The following PSD4 variants were observed in gnomAD, a reference collection of about 807,000 sequenced individuals.
The protein encoded by PSD4 is PH and SEC7 domain-containing protein 4.
Under a neutral mutation model 112.5 loss-of-function variants are expected in PSD4, and 59 were observed. The ratio of observed to expected loss-of-function variants is 0.52; its 90% confidence interval spans 0.43 to 0.65. The LOEUF is 0.65. PSD4 is among the 30% of genes least tolerant of loss of function. The pLI is 0.00. For synonymous variants in PSD4, 533 were observed against 540.0 expected, an observed-to-expected ratio of 0.99 and a Z score of 0.18; for missense variants, 1,267 against 1,352.6, an observed-to-expected ratio of 0.94 and a Z score of 0.99.
In PSD4 at chr2:113,193,272, C is replaced by T. The variant is rs757030649; in HGVS notation, c.1934C>T (p.Ala645Val). 9 of 1,587,938 alleles carry T rather than the reference C, an allele frequency of 5.7e-6. No individual in the cohort carries two copies. The highest frequency in any genetic ancestry group is 6.0e-6 in the Non-Finnish European group (7 of 1,168,906). The change falls in exon 8 of 17, where the codon GCC becomes GTC. Residue 645 changes from alanine (A) to valine (V), a missense_variant. Transcript: ENST00000245796. ...CTCCTTTGCAGGAGCTTCCTCCAGG[C>T]CTTGGTGCTCAGTGGGGAGACTCAG... Reference protein sequence around the residue: ...LDRALRSFLQALVLSGETQER... With the variant: ...LDRALRSFLQVLVLSGETQER...
Position 113,195,749 on chromosome 2 carries a change from G to A in PSD4, c.2204G>A (p.Ser735Asn). ...LLKALYWSIR[S>N]EKLEWAVDEE... Reference sequence around the variant, plus strand: ...CAGGCCCTCTACTGGTCTATCCGCAGCGAGAAGCTCGAGTGGGCCGTGTGA... The same window carrying A: ...CAGGCCCTCTACTGGTCTATCCGCAACGAGAAGCTCGAGTGGGCCGTGTGA... The change falls in exon 11 of 17, where the codon AGC becomes AAC. Residue 735 changes from serine (S) to asparagine (N), a missense_variant. Around this residue, in one of 2 missense-constraint regions of PSD4, gnomAD observed 544 missense variants for 648.6 expected, o/e 0.84. Coordinates refer to ENST00000245796, the MANE Select transcript of PSD4 (RefSeq NM_012455.3). The A allele has an allele frequency of 6.2e-7, 1 of 1,614,188 alleles. No individual in the cohort carries two copies. Among genetic ancestry groups the A allele is most frequent in the Non-Finnish European group, 8.5e-7 (1 of 1,180,032 alleles).
rs1455929336 is a variant in PSD4 at position 113,205,343 on chromosome 2, A to C, written c.*3928A>C. ...ACAGCCTAGGGATTTTGTTTTAAGA[A>C]GATGAGCTGGGCGCGGTGGCTCATG... On this transcript the variant is annotated 3_prime_UTR_variant, in exon 17 of 17. Coordinates refer to ENST00000245796, the MANE Select transcript of PSD4 (RefSeq NM_012455.3). 4 of 152,114 alleles carry C rather than the reference A, an allele frequency of 2.6e-5. No individual in the cohort carries two copies. The highest frequency in any genetic ancestry group is 1.9e-4 in the East Asian group (1 of 5,150). 9.4% of individuals were successfully genotyped at this position (152,114 alleles called of 1,614,324 possible).
At position 113,201,698 on chromosome 2, in the gene PSD4, G is replaced by T. The variant is rs1196595091; in HGVS notation, c.*283G>T. 2 of 482,206 alleles carry T rather than the reference G, an allele frequency of 4.1e-6. No homozygotes were observed. The highest frequency in any genetic ancestry group is 1.9e-5 in the African/African-American group (1 of 51,324). The allele number at this position is 482,206 out of a possible 1,614,324, so 29.9% of individuals were successfully genotyped here. On this transcript the variant is annotated 3_prime_UTR_variant, in exon 17 of 17. Transcript: ENST00000245796. Reference sequence around the variant, plus strand: ...GTGAGGACTTGACTTTCCTCCCAGAGCTCAGCCCATGTCACCCTCCAGGCC... The same window carrying T: ...GTGAGGACTTGACTTTCCTCCCAGATCTCAGCCCATGTCACCCTCCAGGCC...
intron 5 of PSD4, among the ~76,000 whole-genome samples, chr2:113,188,557 C>A (rs1688362498): frequency 6.6e-6 from 1 of 152,054 alleles, no homozygotes; most frequent in African/African-American, 2.4e-5. Context: ...TGTGCCTGAC[C>A]TCACTTTATT....
intron 5 of PSD4, among the ~76,000 whole-genome samples, chr2:113,186,583 G>A (rs546069108): frequency 2.0e-5 from 3 of 152,316 alleles, no homozygotes; most frequent in East Asian, 3.9e-4. Context: ...GCGTGTGCCT[G>A]CCCAGAAAAA....
At position 113,183,418 on chromosome 2, in the gene PSD4, C is replaced by T; in HGVS notation, c.962C>T (p.Pro321Leu). Reference protein sequence around the residue: ...AISGHCTPPFPVPIYKPHSIC... With the variant: ...AISGHCTPPFLVPIYKPHSIC... The stretch of plus-strand genomic sequence containing the variant: ...AGTGGGCATTGTACCCCTCCATTCC[C>T]TGTGCCCATCTATAAACCACACTCC... The change falls in exon 2 of 17, where the codon CCT becomes CTT. Residue 321 changes from proline to leucine, a missense_variant. Around this residue, in one of 2 missense-constraint regions of PSD4, gnomAD observed 723 missense variants for 704.0 expected, o/e 1.03. Coordinates refer to ENST00000245796, the MANE Select transcript of PSD4 (RefSeq NM_012455.3). 1 of 1,573,906 alleles carries T rather than the reference C, an allele frequency of 6.4e-7. No individual in the cohort carries two copies. Among genetic ancestry groups the T allele is most frequent in the Admixed American group, 1.8e-5 (1 of 54,210 alleles).
intron 5 of PSD4, among the ~76,000 whole-genome samples, chr2:113,188,415 T>C (rs1688358805): frequency 6.6e-6 from 1 of 151,646 alleles, no homozygotes; most frequent in South Asian, 2.1e-4. Context: ...GGCTAATTTT[T>C]GTACTTTTAG....
chr2:113,182,569 G>T lies in PSD4; in HGVS notation c.113G>T (p.Ser38Ile). ...HPGECPRETC[S>I]HEDPPEPFEE... ...GGAGAGTGCCCAAGGGAAACGTGCA[G>T]CCATGAGGATCCACCGGAGCCTTTC... Residue 38 changes from serine to isoleucine, a missense_variant, in exon 2 of 17, where the codon AGC becomes ATC. Physicochemically the swap from Ser to Ile is moderately radical, Grantham distance 142. Around this residue, in one of 2 missense-constraint regions of PSD4, gnomAD observed 723 missense variants for 704.0 expected, o/e 1.03. Transcript: ENST00000245796. 1 of 1,614,190 alleles carries T rather than the reference G, an allele frequency of 6.2e-7. No individual in the cohort carries two copies. The highest frequency in any genetic ancestry group is 8.5e-7 in the Non-Finnish European group (1 of 1,180,028).
At chr2:113,174,145 G>C (rs1385929564) in intron 1 of PSD4, 91 bp downstream of exon 1, 1 of 152,990 alleles carries the variant, frequency 6.5e-6, no homozygotes. Context: ...TGTGGCAGGG[G>C]CTGGGGCAGG....
In PSD4 at chr2:113,198,184, A is replaced by C. The variant is rs1688665343; in HGVS notation, c.2624+271A>C. 1.4e-5 allele frequency: 6 copies of C among 418,364 alleles called. No individual in the cohort carries two copies. The South Asian group carries it at 4.4e-4, about 31-fold the overall frequency. 25.9% of individuals were successfully genotyped at this position (418,364 alleles called of 1,614,324 possible). ...AGTGGGATAAAGCCTCCCAGTTCAG[A>C]ACACAGGATTCCGGGAAGTTGCTAA... On this transcript the variant is annotated intron_variant, in intron 14 of 16. Coordinates refer to ENST00000245796, the MANE Select transcript of PSD4 (RefSeq NM_012455.3).
At chr2:113,191,152 A>G (rs1688432883) in intron 5 of PSD4, among the ~76,000 whole-genome samples, 2 of 152,216 alleles carry the variant, frequency 1.3e-5, no homozygotes, top group Admixed American at 1.3e-4. Flanking sequence ...ACATTCTGTC[A>G]CCATCACCCA....
chr2:113,200,521 G>T (rs1320331668), intron 16 of PSD4, among the ~76,000 whole-genome samples: 1 of 152,200 alleles, frequency 6.6e-6, no homozygotes, highest in Non-Finnish European at 1.5e-5. Flanking sequence ...AGGCCTCAGG[G>T]TGTGGCTGTG....
rs189468751 is a variant in PSD4, at chr2:113,201,002, A to G, written c.2914-156A>G. Among the ~76,000 whole-genome samples the G allele has an allele frequency of 1.4e-4, 22 of 152,236 alleles. No homozygotes were observed. In the East Asian group the frequency reaches 4.1e-3, roughly 28 times the overall value. On this transcript the variant is annotated intron_variant, in intron 16 of 16. Coordinates refer to ENST00000245796, the MANE Select transcript of PSD4 (RefSeq NM_012455.3). ...GTGTGCTCTGCAGTCTGCTTATCCA[A>G]GCATTATACTGACACTCACGGTTGG...
chr2:113,193,714 G>A (rs1688521920), intron 9 of PSD4, 64 bp downstream of exon 9: 2 of 1,575,928 alleles, frequency 1.3e-6, no homozygotes, highest in Non-Finnish European at 1.7e-6. Context: ...GGGAGGAGAA[G>A]ACCAGAGGCC....
At chr2:113,187,529 G>C (rs1688333176) in intron 5 of PSD4, among the ~76,000 whole-genome samples, 1 of 152,192 alleles carries the variant, frequency 6.6e-6, no homozygotes, top group African/African-American at 2.4e-5. Context: ...CAAGGAGACT[G>C]AGTGGTGACC....
rs745347253 is a variant in PSD4 at position 113,201,401 on chromosome 2, C to T, written c.3157C>T (p.Arg1053Cys). 9.3e-6 allele frequency: 15 copies of T among 1,613,750 alleles called. No individual in the cohort carries two copies. Among genetic ancestry groups the T allele is most frequent in the South Asian group, 3.3e-5 (3 of 91,086 alleles). ...CCGGAAGATCATCCCTAAGCGGAACCGCAATCAGCTGTGAAGCCAGCACCA... is the reference window on the plus strand; with the variant it reads ...CCGGAAGATCATCCCTAAGCGGAACTGCAATCAGCTGTGAAGCCAGCACCA... ...TYRKIIPKRN[R>C]NQL The change falls in exon 17 of 17, where the codon CGC (arginine) becomes TGC (cysteine). Residue 1053 changes from arginine to cysteine, a missense_variant. By Grantham distance (180) the Arg-to-Cys change is radical. Transcript: ENST00000245796.
At chr2:113,185,495 G>A in intron 4 of PSD4, 55 bp downstream of exon 4, 1 of 1,613,520 alleles carries the variant, frequency 6.2e-7, no homozygotes, top group Non-Finnish European at 8.5e-7. Flanking sequence ...TTTGGAATTT[G>A]GAGTGGGGAC....
intron 10 of PSD4, among the ~76,000 whole-genome samples, chr2:113,195,332 T>C (rs1688575086): frequency 6.6e-6 from 1 of 152,132 alleles, no homozygotes; most frequent in Non-Finnish European, 1.5e-5. Flanking sequence ...AGATAATTTT[T>C]TGTATTTTTA....
chr2:113,174,721 C>G (rs1687921712), intron 1 of PSD4, among the ~76,000 whole-genome samples: 1 of 152,140 alleles, frequency 6.6e-6, no homozygotes, highest in African/African-American at 2.4e-5. Flanking sequence ...GCAACAGGAA[C>G]CACTGAACTC....
Sources: allele counts gnomAD v4.1 joint callset (sites outside exome capture counted in the v4.1 genomes callset), GRCh38; gene constraint gnomAD v4.1.1; regional missense constraint gnomAD v4.1.1; transcripts MANE v1.5; gene names NCBI Gene and HGNC (gene_info 2026-07-23, HGNC 2026-07-21).